ASCC3: variants seen among roughly 807,000 people sequenced by gnomAD.
ASCC3 encodes ASC-1 complex subunit P200.
ASCC3 carries 158 observed loss-of-function variants against 256.3 expected under a neutral mutation model. The ratio of observed to expected loss-of-function variants is 0.62; its 90% CI spans 0.54 to 0.70. The LOEUF (loss-of-function observed/expected upper bound fraction) is 0.70. ASCC3 is among the 30% of genes least tolerant of loss of function. The pLI is 0.00. For missense variants in ASCC3, 2,259 were observed against 2,626.0 expected, an observed-to-expected ratio of 0.86 and a Z score of 3.05; for synonymous variants, 948 against 883.4, an observed-to-expected ratio of 1.07 and a Z score of -1.30.
intron 11 of ASCC3, among the ~76,000 whole-genome samples, chr6:100,720,787 A>G (rs1454421232): frequency 6.7e-6 from 1 of 150,096 alleles, no homozygotes; most frequent in African/African-American, 2.4e-5. Flanking sequence ...TATACAGATG[A>G]CAATGTGAAG....
intron 2 of ASCC3, 137 bp downstream of exon 2, chr6:100,867,771 T>C: frequency 1.4e-6 from 1 of 731,576 alleles, no homozygotes; most frequent in Non-Finnish European, 2.4e-6. Context: ...AGCATACACA[T>C]TCTCCATCTT....
At chr6:100,597,973 C>CAAAAA (rs34634494) in intron 34 of ASCC3, among the ~76,000 whole-genome samples, 3 of 88,046 alleles carry the variant, frequency 3.4e-5, no homozygotes, top group Non-Finnish European at 4.6e-5. Flanking sequence ...GACTCCGTCT[C>CAAAAA]AAAAAAAAAA....
rs140235125 is a variant in ASCC3, at chr6:100,830,785, T to C, written c.801+17363A>G. ...AGCACTGTTTCTGGGCATCAGGTGA[T>C]ATGTAAAATGCATAAGCAACTAAGT... is the stretch of plus-strand genomic sequence containing the variant. On this transcript the variant is annotated intron_variant, in intron 4 of 41. Transcript: ENST00000369162. 2.9e-3 allele frequency among the ~76,000 whole-genome samples: 443 copies of C among 152,350 alleles called. 2 individuals carry two copies. The highest frequency in any genetic ancestry group is 0.01 in the African/African-American group (434 of 41,584).
intron 3 of ASCC3, among the ~76,000 whole-genome samples, chr6:100,855,462 C>T (rs577281679): frequency 5.9e-5 from 9 of 152,332 alleles, no homozygotes; most frequent in Admixed American, 2.0e-4. Flanking sequence ...CCCAGGTAAT[C>T]TGAATTACCT....
rs767280561 is a variant in ASCC3 at position 100,508,958 on chromosome 6, T to A, written c.*428A>T. 9.4e-6 allele frequency: 2 copies of A among 213,820 alleles called. No individual in the cohort carries two copies. Among genetic ancestry groups the A allele is most frequent in the Middle Eastern group, 1.9e-3 (1 of 528 alleles). 13.2% of individuals were successfully genotyped at this position (213,820 alleles called of 1,614,324 possible). A position where few individuals can be genotyped will look rare whatever the true frequency, so the allele number is the denominator to read the frequency against. ...ACACGCTGTGTACCACCTTACAGAT[T>A]TATAGTTTATGCGGCAGAGTTAGAA... On this transcript the variant is annotated 3_prime_UTR_variant, in exon 42 of 42. Transcript: ENST00000369162.
At chr6:100,688,885 A>G (rs1465658126) in intron 13 of ASCC3, among the ~76,000 whole-genome samples, 2 of 152,208 alleles carry the variant, frequency 1.3e-5, no homozygotes. Flanking sequence ...ATCAATAAAT[A>G]CAATAATGTA....
At chr6:100,524,717 T>C (rs1022139349) in intron 37 of ASCC3, among the ~76,000 whole-genome samples, 3 of 152,122 alleles carry the variant, frequency 2.0e-5, no homozygotes, top group Non-Finnish European at 2.9e-5. Context: ...GGTGTATTCA[T>C]GGAACTGGAC....
intron 13 of ASCC3, among the ~76,000 whole-genome samples, chr6:100,686,848 T>C (rs1360675610): frequency 6.6e-6 from 1 of 152,200 alleles, no homozygotes; most frequent in Admixed American, 6.5e-5. Flanking sequence ...TGGGGCTTTA[T>C]TCTTTTCTTA....
intron 36 of ASCC3, among the ~76,000 whole-genome samples, chr6:100,588,504 T>G (rs1489873407): frequency 6.6e-6 from 1 of 152,170 alleles, no homozygotes; most frequent in Admixed American, 6.5e-5. Context: ...TTATATTTTG[T>G]ACTCTTCTAT....
At chr6:100,622,666 ATT>A (rs1392045721) in intron 30 of ASCC3, among the ~76,000 whole-genome samples, 1 of 151,806 alleles carries the variant, frequency 6.6e-6, no homozygotes. Flanking sequence ...TATAACAAAT[ATT>A]TGTTAATAAA....
chr6:100,559,306 T>C (rs1230699849), intron 36 of ASCC3, among the ~76,000 whole-genome samples: 1 of 152,048 alleles, frequency 6.6e-6, no homozygotes, highest in African/African-American at 2.4e-5. Flanking sequence ...ACAAACTTAC[T>C]CACTTGACTT....
At chr6:100,760,390 C>G (rs1781368656) in intron 10 of ASCC3, among the ~76,000 whole-genome samples, 1 of 152,148 alleles carries the variant, frequency 6.6e-6, no homozygotes, top group Non-Finnish European at 1.5e-5. Flanking sequence ...AAGGCCTTTT[C>G]TGCATCTATT....
chr6:100,831,779 G>A (rs1399375195), intron 4 of ASCC3, among the ~76,000 whole-genome samples: 1 of 151,688 alleles, frequency 6.6e-6, no homozygotes, highest in Non-Finnish European at 1.5e-5. Context: ...TGAAACATAA[G>A]AAAATAATAT....
intron 34 of ASCC3, among the ~76,000 whole-genome samples, chr6:100,594,899 G>A (rs1426307933): frequency 6.6e-6 from 1 of 152,122 alleles, no homozygotes; most frequent in Non-Finnish European, 1.5e-5. Flanking sequence ...AAATCTAGAG[G>A]GGGAGGAATC....
At chr6:100,569,979 C>T (rs1770502740) in intron 36 of ASCC3, among the ~76,000 whole-genome samples, 1 of 152,022 alleles carries the variant, frequency 6.6e-6, no homozygotes, top group African/African-American at 2.4e-5. Flanking sequence ...TTGAAGTTCT[C>T]CTCATAGAGT....
chr6:100,596,076 T>C (rs1772279722), intron 34 of ASCC3, among the ~76,000 whole-genome samples: 1 of 152,290 alleles, frequency 6.6e-6, no homozygotes, highest in East Asian at 1.9e-4. Context: ...ACAGCTATGG[T>C]CTATACCTTT....
intron 13 of ASCC3, among the ~76,000 whole-genome samples, chr6:100,696,923 C>T (rs1778112631): frequency 6.6e-6 from 1 of 151,998 alleles, no homozygotes; most frequent in Non-Finnish European, 1.5e-5. Flanking sequence ...TATATGCACA[C>T]TGTAATATGA....
chr6:100,795,553 A>C (rs533585293), intron 8 of ASCC3, among the ~76,000 whole-genome samples: 1 of 152,260 alleles, frequency 6.6e-6, no homozygotes, highest in African/African-American at 2.4e-5. Context: ...GATTTCTAAG[A>C]GTTCCAACTG....
At chr6:100,781,095 T>A (rs1782425381) in intron 8 of ASCC3, among the ~76,000 whole-genome samples, 1 of 152,182 alleles carries the variant, frequency 6.6e-6, no homozygotes, top group African/African-American at 2.4e-5. Flanking sequence ...TGATGTTGTT[T>A]TTTTCCTCTG....
Sources: gnomAD v4.1 joint callset for allele counts (sites outside exome capture counted in the v4.1 genomes callset) on GRCh38, gnomAD v4.1.1 for gene constraint, MANE v1.5 for transcripts, NCBI Gene and HGNC (gene_info 2026-07-23, HGNC 2026-07-21) for gene names.